MVB12B: variants seen among roughly 807,000 people sequenced by gnomAD.
MVB12B encodes ESCRT-I complex subunit MVB12B.
In MVB12B, 16 loss-of-function variants were observed where a neutral mutation model predicts 41.6. The observed-to-expected ratio is 0.38, with a 90% CI of 0.26 to 0.58. The LOEUF is 0.58. Ranked by LOEUF, MVB12B falls within the 20% of genes least tolerant of loss-of-function variation. MVB12B has a pLI of 0.62. For synonymous variants in MVB12B, 133 were observed against 139.7 expected, an observed-to-expected ratio of 0.95 and a Z score of 0.34; for missense variants, 274 against 380.2, an observed-to-expected ratio of 0.72 and a Z score of 2.32.
chr9:126,473,243 T>A lies in MVB12B; in HGVS notation c.758-8126T>A, dbSNP rs1833352281. The stretch of plus-strand genomic sequence containing the variant: ...GCAACAGCTGCACATCTGCACCTGC[T>A]GAGCTGCAGCAAAAACTCAGGTCTG... On this transcript the variant is annotated intron_variant, in intron 7 of 9. Transcript: ENST00000361171. This position sits in a 1 kb window ranked among gnomAD's most constrained non-coding sequence, Gnocchi z 4.0. Among the ~76,000 whole-genome samples the A allele has an allele frequency of 6.6e-6, 1 of 152,188 alleles. No homozygotes were observed. The highest frequency in any genetic ancestry group is 2.4e-5 in the African/African-American group (1 of 41,450).
chr9:126,431,946 G>A (rs1232941756), intron 7 of MVB12B, among the ~76,000 whole-genome samples: 1 of 152,174 alleles, frequency 6.6e-6, no homozygotes, highest in East Asian at 1.9e-4. Flanking sequence ...GGTGTTTAAG[G>A]TGGAGGTGGT....
At chr9:126,355,902 C>A (rs1052423195) in intron 2 of MVB12B, among the ~76,000 whole-genome samples, 3 of 152,250 alleles carry the variant, frequency 2.0e-5, no homozygotes, top group East Asian at 3.9e-4. Flanking sequence ...ATTTTTATCA[C>A]CCCAAAAGGA....
intron 9 of MVB12B, among the ~76,000 whole-genome samples, chr9:126,498,147 C>A (rs1029690475): frequency 1.3e-5 from 2 of 152,162 alleles, no homozygotes; most frequent in African/African-American, 2.4e-5. Context: ...CAGATGAGGA[C>A]GTGGAGCCCC....
chr9:126,479,309 T>C (rs1379980094), intron 7 of MVB12B, among the ~76,000 whole-genome samples: 2 of 152,112 alleles, frequency 1.3e-5, no homozygotes, highest in Non-Finnish European at 2.9e-5. Flanking sequence ...AGGAAGGGCA[T>C]GGAAGTCAGG....
chr9:126,362,027 T>C (rs1209533534), intron 2 of MVB12B, among the ~76,000 whole-genome samples: 1 of 152,132 alleles, frequency 6.6e-6, no homozygotes, highest in Non-Finnish European at 1.5e-5. Flanking sequence ...GGTTTCAGGC[T>C]GTCTTTAAGA....
intron 7 of MVB12B, among the ~76,000 whole-genome samples, chr9:126,435,430 T>C (rs1832444787): frequency 6.6e-6 from 1 of 152,208 alleles, no homozygotes; most frequent in Non-Finnish European, 1.5e-5. Flanking sequence ...TTGCTGGAGA[T>C]GTTAGCTTGC....
At chr9:126,327,721 C>T (rs1245478398) in intron 1 of MVB12B, among the ~76,000 whole-genome samples, 1 of 152,194 alleles carries the variant, frequency 6.6e-6, no homozygotes, top group East Asian at 1.9e-4. Context: ...ATCTTTTGTC[C>T]TCTTTGTTAC....
At chr9:126,476,502 A>G (rs75777132) in intron 7 of MVB12B, among the ~76,000 whole-genome samples, 1 of 152,224 alleles carries the variant, frequency 6.6e-6, no homozygotes, top group Non-Finnish European at 1.5e-5. Context: ...TCCTAATCAT[A>G]TGTGGGTGTG....
At chr9:126,345,131 T>G (rs1452698871) in intron 2 of MVB12B, among the ~76,000 whole-genome samples, 3 of 152,184 alleles carry the variant, frequency 2.0e-5, no homozygotes. Flanking sequence ...TCAGAGGATC[T>G]TGACAGCTGT....
chr9:126,501,912 G>A (rs1237791146), intron 9 of MVB12B, among the ~76,000 whole-genome samples: 3 of 152,038 alleles, frequency 2.0e-5, no homozygotes, highest in Non-Finnish European at 4.4e-5. Context: ...CTGGGGCTGG[G>A]TGCAGTGCTC....
At chr9:126,344,910 A>C (rs1020502676) in intron 2 of MVB12B, among the ~76,000 whole-genome samples, 2 of 152,186 alleles carry the variant, frequency 1.3e-5, no homozygotes, top group African/African-American at 4.8e-5. Context: ...CTGTTAATCT[A>C]TTCATGAGGA....
intron 7 of MVB12B, among the ~76,000 whole-genome samples, chr9:126,445,112 AC>A (rs961776028): frequency 6.6e-6 from 1 of 152,230 alleles, no homozygotes; most frequent in Non-Finnish European, 1.5e-5. Context: ...ATTGAAAAAA[AC>A]ATTGAAGTTA....
At chr9:126,420,434 G>C (rs1246171534) in intron 6 of MVB12B, among the ~76,000 whole-genome samples, 3 of 152,190 alleles carry the variant, frequency 2.0e-5, no homozygotes, top group Admixed American at 1.3e-4. Flanking sequence ...TCACTCTGTG[G>C]CTAGCAGACC....
chr9:126,409,111 A>C (rs977943341), intron 6 of MVB12B, among the ~76,000 whole-genome samples: 1 of 148,098 alleles, frequency 6.8e-6, no homozygotes, highest in East Asian at 2.0e-4. Flanking sequence ...CGTGACTTCC[A>C]TTGTGGGGGG....
At chr9:126,471,301 T>C (rs896067025) in intron 7 of MVB12B, among the ~76,000 whole-genome samples, 10 of 152,316 alleles carry the variant, frequency 6.6e-5, no homozygotes, top group Admixed American at 1.3e-4. Context: ...TGAGGTTAAG[T>C]GACTTGCCCA....
chr9:126,473,212 G>C lies in MVB12B; in HGVS notation c.758-8157G>C, dbSNP rs1170272849. Among the ~76,000 whole-genome samples, 1 of 152,070 alleles carries C rather than the reference G, an allele frequency of 6.6e-6. No individual in the cohort carries two copies. The highest frequency in any genetic ancestry group is 1.5e-5 in the Non-Finnish European group (1 of 68,010). Reference sequence around the variant, plus strand: ...AAGTAAGGCTCAGAGAGGTGGGGTGGCCTGTGCAACAGCTGCACATCTGCA... The same window carrying C: ...AAGTAAGGCTCAGAGAGGTGGGGTGCCCTGTGCAACAGCTGCACATCTGCA... On this transcript the variant is annotated intron_variant, in intron 7 of 9. Transcript: ENST00000361171. This position sits in a 1 kb window ranked among gnomAD's most constrained non-coding sequence, Gnocchi z 4.0.
chr9:126,484,439 A>T (rs147178207), intron 9 of MVB12B, among the ~76,000 whole-genome samples: 1 of 152,342 alleles, frequency 6.6e-6, no homozygotes, highest in African/African-American at 2.4e-5. Context: ...AAGCGTCTCC[A>T]CAATTTAGGG....
At chr9:126,337,364 T>G (rs1021549490) in intron 1 of MVB12B, among the ~76,000 whole-genome samples, 3 of 152,220 alleles carry the variant, frequency 2.0e-5, no homozygotes, top group African/African-American at 7.2e-5. Flanking sequence ...AAATTATTTA[T>G]GAGGGGAATG....
intron 4 of MVB12B, among the ~76,000 whole-genome samples, chr9:126,390,555 A>G (rs889106144): frequency 1.3e-5 from 2 of 152,274 alleles, no homozygotes; most frequent in South Asian, 4.1e-4. Flanking sequence ...GATAAGTAAG[A>G]GAAAAGAATC....
Sources: allele counts gnomAD v4.1 joint callset (sites outside exome capture counted in the v4.1 genomes callset), GRCh38; gene constraint gnomAD v4.1.1; non-coding constraint Gnocchi (gnomAD v3.1); transcripts MANE v1.5; gene names NCBI Gene and HGNC (gene_info 2026-07-23, HGNC 2026-07-21).